ARHGEF2: variants seen among roughly 807,000 people sequenced by gnomAD.
ARHGEF2 encodes the protein Rho/Rac guanine nucleotide exchange factor 2.
In ARHGEF2, 22 loss-of-function variants were observed where a neutral mutation model predicts 121.0. The ratio of observed to expected loss-of-function variants is 0.18; its 90% confidence interval spans 0.13 to 0.26. The LOEUF (loss-of-function observed/expected upper bound fraction) is 0.26, where lower values mean the gene tolerates loss of function less well. ARHGEF2 is among the 10% of genes least tolerant of loss of function. The pLI is 1.00. For missense variants in ARHGEF2, 907 were observed against 1,336.0 expected (o/e 0.68, Z 5.01); for synonymous variants, 487 against 530.0 (o/e 0.92, Z 1.11).
Position 155,971,445 on chromosome 1 carries a change from G to A in ARHGEF2, c.64-2145C>T, listed in dbSNP as rs541510356. Among the ~76,000 whole-genome samples, 3 of 151,848 alleles carry A rather than the reference G, an allele frequency of 2.0e-5. No individual in the cohort carries two copies. In the South Asian group the frequency reaches 6.2e-4, roughly 32 times the overall value. ...ATACAAAAAATTAGCTGGGCGTAGT[G>A]GCAGGCACCTGTAATCCCAGCTACT... On this transcript the variant is annotated intron_variant, in intron 1 of 21. Coordinates refer to ENST00000361247, the MANE Select transcript of ARHGEF2 (RefSeq NM_001162383.2).
intron 3 of ARHGEF2, 78 bp downstream of exon 3, chr1:155,966,742 G>A: frequency 7.1e-7 from 1 of 1,413,158 alleles, no homozygotes; most frequent in Non-Finnish European, 1.0e-6. Flanking sequence ...ACAGGGTAGG[G>A]AATGAATGGA....
chr1:155,961,888 T>A lies in ARHGEF2; in HGVS notation c.1241A>T (p.Asp414Val), dbSNP rs1678007466. The change falls in exon 11 of 22, where the codon GAC becomes GTC. Residue 414 changes from aspartate to valine, a missense_variant. Around this residue, in one of 2 missense-constraint regions of ARHGEF2, gnomAD observed 475 missense variants for 776.5 expected, o/e 0.61. Coordinates refer to ENST00000361247, the MANE Select transcript of ARHGEF2 (RefSeq NM_001162383.2). This position sits in a 1 kb window ranked among gnomAD's most constrained non-coding sequence, Gnocchi z 4.7. ...HSHGIEEERQ[D>V]LTTALGLVKE... ...CACTAGCCCCAGTGCTGTGGTCAGG[T>A]CCTGGCGCTCCTCCTCGATCCCTGG... The A allele has an allele frequency of 6.2e-7, 1 of 1,614,096 alleles. No homozygotes were observed. Among genetic ancestry groups the A allele is most frequent in the Non-Finnish European group, 8.5e-7 (1 of 1,180,000 alleles).
chr1:155,966,194 G>A (rs993077979), intron 4 of ARHGEF2, among the ~76,000 whole-genome samples: 1 of 152,006 alleles, frequency 6.6e-6, no homozygotes, highest in Non-Finnish European at 1.5e-5. Context: ...AGGCTCAGGC[G>A]ACCACCCATC....
chr1:155,965,460 T>A lies in ARHGEF2; in HGVS notation c.471-48A>T. On this transcript the variant is annotated intron_variant, in intron 5 of 21. Transcript: ENST00000361247. This position sits in a 1 kb window ranked among gnomAD's most constrained non-coding sequence, Gnocchi z 6.0. Reference sequence around the variant, plus strand: ...GCATCACCCCCAGTCGGGCAAAAGATCCCTTCCCAGGTAGGGAACCAAAGC... The same window carrying A: ...GCATCACCCCCAGTCGGGCAAAAGAACCCTTCCCAGGTAGGGAACCAAAGC... The A allele has an allele frequency of 6.2e-7, 1 of 1,603,290 alleles. No homozygotes were observed. Among genetic ancestry groups the A allele is most frequent in the East Asian group, 2.2e-5 (1 of 44,798 alleles).
At chr1:155,957,946 T>G in intron 12 of ARHGEF2, 64 bp from the exon 13 acceptor site, 1 of 1,524,558 alleles carries the variant, frequency 6.6e-7, no homozygotes, top group Non-Finnish European at 8.9e-7. Flanking sequence ...ATTTAGGCCT[T>G]CAATCCTTCT....
chr1:155,964,176 A>ATATATATATATATATATG (rs1678773682), intron 7 of ARHGEF2, among the ~76,000 whole-genome samples: 1 of 95,524 alleles, frequency 1.0e-5, no homozygotes, highest in Non-Finnish European at 1.9e-5. Flanking sequence ...AAATATATAT[A>ATATATATATATATATATG]TATATATATA....
chr1:155,978,469 G>A lies in ARHGEF2; in HGVS notation c.-42C>T. On this transcript the variant is annotated 5_prime_UTR_variant, in exon 1 of 22. Transcript: ENST00000361247. The surrounding 1 kb of genome is among the most constrained non-coding windows in gnomAD (Gnocchi z 4.1). ...CAGGGAGGACGCGGCGCGGACCCCG[G>A]CGTCCTGTATTGTTGGGGGAAGGCG... 7.0e-7 allele frequency: 1 copy of A among 1,438,086 alleles called. No individual in the cohort carries two copies. Among genetic ancestry groups the A allele is most frequent in the South Asian group, 1.4e-5 (1 of 73,078 alleles). The allele number at this position is 1,438,086 out of a possible 1,614,324, so 89.1% of individuals were successfully genotyped here.
In ARHGEF2 at chr1:155,957,836, A is replaced by G; in HGVS notation, c.1592T>C (p.Ile531Thr). 1 of 1,614,188 alleles carries G rather than the reference A, an allele frequency of 6.2e-7. No individual in the cohort carries two copies. Among genetic ancestry groups the G allele is most frequent in the Non-Finnish European group, 8.5e-7 (1 of 1,180,022 alleles). The part of the protein sequence containing the change: ...VSLQNLIVRD[I>T]ANQEKGMFLI... ...AAACATCCCTTTCTCCTGGTTGGCA[A>G]TGTCTCGTACGATTAGATTCTGCAG... Residue 531 changes from isoleucine to threonine, a missense_variant, in exon 13 of 22, where the codon ATT (isoleucine) becomes ACT (threonine). Ile to Thr is a moderately conservative substitution (Grantham distance 89). Coordinates refer to ENST00000361247, the MANE Select transcript of ARHGEF2 (RefSeq NM_001162383.2).
rs769749848 is a variant in ARHGEF2 at position 155,978,067 on chromosome 1, C to T, written c.63+298G>A. On this transcript the variant is annotated intron_variant, in intron 1 of 21. Transcript: ENST00000361247. This position sits in a 1 kb window ranked among gnomAD's most constrained non-coding sequence, Gnocchi z 4.1. ...TCCCTCTTCCCGCTCCGTCCCTTAC[C>T]GGAGCAACTTTCTTTCAAGCGGCCT... is the stretch of plus-strand genomic sequence containing the variant. The T allele has an allele frequency of 4.4e-5, 51 of 1,153,562 alleles. No homozygotes were observed. Among genetic ancestry groups the T allele is most frequent in the Admixed American group, 2.3e-4 (5 of 21,308 alleles). 71.5% of individuals were successfully genotyped at this position (1,153,562 alleles called of 1,614,324 possible).
Position 155,951,064 on chromosome 1 carries a change from C to T in ARHGEF2, c.2468G>A (p.Arg823Gln), listed in dbSNP as rs546887061. ...LLQEELRRCR[R>Q]LGEERATEAG... ...TTCGGTTGCCCGTTCTTCACCTAGC[C>T]GCCGGCAGCGCCGTAGCTCCTCCTG... Residue 823 changes from arginine to glutamine, a missense_variant, in exon 20 of 22, where the codon CGG (arginine) becomes CAG (glutamine). Arg to Gln is a conservative substitution (Grantham distance 43, BLOSUM62 1). Around this residue, in one of 2 missense-constraint regions of ARHGEF2, gnomAD observed 432 missense variants for 559.5 expected, o/e 0.77. Coordinates refer to ENST00000361247, the MANE Select transcript of ARHGEF2 (RefSeq NM_001162383.2). The surrounding 1 kb of genome is among the most constrained non-coding windows in gnomAD (Gnocchi z 5.1). 62 of 1,598,842 alleles carry T rather than the reference C, an allele frequency of 3.9e-5. No homozygotes were observed. The highest frequency in any genetic ancestry group is 5.1e-5 in the Non-Finnish European group (60 of 1,174,842).
rs1181488305 is a variant in ARHGEF2, at chr1:155,965,791, A to G, written c.341-31T>C. On this transcript the variant is annotated intron_variant, in intron 4 of 21. Coordinates refer to ENST00000361247, the MANE Select transcript of ARHGEF2 (RefSeq NM_001162383.2). The surrounding 1 kb of genome is among the most constrained non-coding windows in gnomAD (Gnocchi z 6.0). ...GGGGAGAGATGCCCAGCAGGCAAAC[A>G]TCAGACTCTGGTGCTTCCCAGGATT... 6.4e-7 allele frequency: 1 copy of G among 1,573,234 alleles called. No homozygotes were observed. Among genetic ancestry groups the G allele is most frequent in the Non-Finnish European group, 8.6e-7 (1 of 1,168,494 alleles).
At chr1:155,956,608 G>A (rs1676716601) in intron 13 of ARHGEF2, among the ~76,000 whole-genome samples, 1 of 150,566 alleles carries the variant, frequency 6.6e-6, no homozygotes, top group Non-Finnish European at 1.5e-5. Flanking sequence ...ATAAATCTGA[G>A]ATCAGGAGTT....
At chr1:155,973,468 G>A (rs147435871) in intron 1 of ARHGEF2, among the ~76,000 whole-genome samples, 264 of 152,288 alleles carry the variant, frequency 1.7e-3, no homozygotes, top group African/African-American at 6.0e-3. Context: ...GGGCCAGGCC[G>A]AGCGCAGTGG....
At position 155,978,283 on chromosome 1, in the gene ARHGEF2, G is replaced by A; in HGVS notation, c.63+82C>T. The stretch of plus-strand genomic sequence containing the variant: ...TTTTGGCGCCCAGAAAGCAGGCGGG[G>A]AGACAGGAGATGCACCGCGGGTGCC... On this transcript the variant is annotated intron_variant, in intron 1 of 21. Coordinates refer to ENST00000361247, the MANE Select transcript of ARHGEF2 (RefSeq NM_001162383.2). The surrounding 1 kb of genome is among the most constrained non-coding windows in gnomAD (Gnocchi z 4.1). 2.2e-6 allele frequency: 3 copies of A among 1,376,944 alleles called. No individual in the cohort carries two copies. The highest frequency in any genetic ancestry group is 2.9e-6 in the Non-Finnish European group (3 of 1,042,480). The allele number at this position is 1,376,944 out of a possible 1,614,324, so 85.3% of individuals were successfully genotyped here.
chr1:155,969,409 G>T, intron 1 of ARHGEF2, 109 bp from the exon 2 acceptor site: 1 of 1,538,036 alleles, frequency 6.5e-7, no homozygotes, highest in East Asian at 2.3e-5. Flanking sequence ...CCAGCCTGAG[G>T]ATGCTGGAAA....
intron 11 of ARHGEF2, among the ~76,000 whole-genome samples, chr1:155,959,511 G>A (rs564216808): frequency 6.6e-6 from 1 of 151,834 alleles, no homozygotes; most frequent in African/African-American, 2.4e-5. Context: ...GCCTGCCGAA[G>A]TGCTGGGATT....
rs944773889 is a variant in ARHGEF2 at position 155,962,445 on chromosome 1, G to A, written c.1101+148C>T. ...ACAACGTGCTCTAGCATTCTGAGGG[G>A]TTACTGCTGACAGGATCTGTGTATG... is the stretch of plus-strand genomic sequence containing the variant. On this transcript the variant is annotated intron_variant, in intron 9 of 21. Transcript: ENST00000361247. The surrounding 1 kb of genome is among the most constrained non-coding windows in gnomAD (Gnocchi z 5.8). 4 of 1,234,720 alleles carry A rather than the reference G, an allele frequency of 3.2e-6. No homozygotes were observed. In the African/African-American group the frequency reaches 6.0e-5, roughly 19 times the overall value. 76.5% of individuals were successfully genotyped at this position (1,234,720 alleles called of 1,614,324 possible). A position where few individuals can be genotyped will look rare whatever the true frequency, so the allele number is the denominator to read the frequency against.
Position 155,961,436 on chromosome 1 carries a change from G to A in ARHGEF2, c.1468+225C>T, listed in dbSNP as rs1038240233. On this transcript the variant is annotated intron_variant, in intron 11 of 21. Transcript: ENST00000361247. This position sits in a 1 kb window ranked among gnomAD's most constrained non-coding sequence, Gnocchi z 4.7. ...ACTATAGGCGCCCACCACCACGCCC[G>A]GCGAATTTTTTGTATTTTCAGTAGA... 2.0e-5 allele frequency among the ~76,000 whole-genome samples: 3 copies of A among 151,966 alleles called. No homozygotes were observed. The highest frequency in any genetic ancestry group is 4.8e-5 in the African/African-American group (2 of 41,356).
Position 155,950,522 on chromosome 1 carries a change from G to A in ARHGEF2, c.2704-40C>T. 1 of 1,594,490 alleles carries A rather than the reference G, an allele frequency of 6.3e-7. No homozygotes were observed. The highest frequency in any genetic ancestry group is 8.6e-7 in the Non-Finnish European group (1 of 1,165,292). On this transcript the variant is annotated intron_variant, in intron 20 of 21. Coordinates refer to ENST00000361247, the MANE Select transcript of ARHGEF2 (RefSeq NM_001162383.2). The surrounding 1 kb of genome is among the most constrained non-coding windows in gnomAD (Gnocchi z 5.2). ...CAGGAAGAACAGCAGGTCAGGGACT[G>A]AGTAGTGTGAAGATTGGAGGTTCTG...
Sources: allele counts gnomAD v4.1 joint callset (sites outside exome capture counted in the v4.1 genomes callset), GRCh38; gene constraint gnomAD v4.1.1; regional missense constraint gnomAD v4.1.1; non-coding constraint Gnocchi (gnomAD v3.1); transcripts MANE v1.5; gene names NCBI Gene and HGNC (gene_info 2026-07-23, HGNC 2026-07-21).